The following MYO3A variants were observed in gnomAD, a reference collection of about 807,000 sequenced individuals.
The protein encoded by MYO3A is myosin IIIA, also known as myosin-IIIa.
In MYO3A, 180 loss-of-function variants were observed where a neutral mutation model predicts 192.7. The ratio of observed to expected loss-of-function variants is 0.93; its 90% CI spans 0.83 to 1.06. The LOEUF (loss-of-function observed/expected upper bound fraction) is 1.06, where lower values mean the gene tolerates loss of function less well. MYO3A is among the 50% of genes least tolerant of loss of function. The pLI is 0.00. For synonymous variants in MYO3A, 628 were observed against 645.3 expected, an observed-to-expected ratio of 0.97 and a Z score of 0.41; for missense variants, 1,896 against 1,905.0, an observed-to-expected ratio of 1.00 and a Z score of 0.09.
intron 4 of MYO3A, among the ~76,000 whole-genome samples, chr10:25,960,793 G>A (rs954491537): frequency 6.6e-6 from 1 of 151,972 alleles, no homozygotes; most frequent in African/African-American, 2.4e-5. Context: ...GCTGTCTCAG[G>A]GTTGGCACAG....
intron 6 of MYO3A, among the ~76,000 whole-genome samples, chr10:26,011,200 G>T (rs879437651): frequency 6.6e-6 from 1 of 152,106 alleles, no homozygotes; most frequent in African/African-American, 2.4e-5. Flanking sequence ...AGGCAGATGT[G>T]TGTGAATCGC....
intron 29 of MYO3A, among the ~76,000 whole-genome samples, chr10:26,173,385 G>T (rs1475159376): frequency 6.6e-6 from 1 of 152,118 alleles, no homozygotes; most frequent in East Asian, 1.9e-4. Context: ...CTAGAATTTT[G>T]ATATCTCATT....
At chr10:26,069,345 A>T in intron 12 of MYO3A, among the ~76,000 whole-genome samples, 1 of 152,122 alleles carries the variant, frequency 6.6e-6, no homozygotes, top group South Asian at 2.1e-4. Context: ...GGCTTCATTA[A>T]TATCACAAAC....
intron 4 of MYO3A, among the ~76,000 whole-genome samples, chr10:25,979,342 G>T (rs994315441): frequency 2.0e-5 from 3 of 151,114 alleles, no homozygotes; most frequent in African/African-American, 7.3e-5. Context: ...GTAAGAAAAT[G>T]ATTTAATCAC....
At chr10:26,108,234 T>A (rs1431912809) in intron 17 of MYO3A, among the ~76,000 whole-genome samples, 1 of 152,220 alleles carries the variant, frequency 6.6e-6, no homozygotes, top group African/African-American at 2.4e-5. Context: ...ATGAACTCTT[T>A]CTGGAATTTT....
chr10:26,003,497 T>C (rs1484866292), intron 6 of MYO3A, among the ~76,000 whole-genome samples: 1 of 152,312 alleles, frequency 6.6e-6, no homozygotes, highest in African/African-American at 2.4e-5. Context: ...TTTAGTTTTT[T>C]ATTAAGTGGG....
At chr10:26,086,983 G>T (rs2131501399) in intron 14 of MYO3A, among the ~76,000 whole-genome samples, 1 of 112,140 alleles carries the variant, frequency 8.9e-6, no homozygotes, top group South Asian at 3.0e-4. Flanking sequence ...ATTGGGGATA[G>T]GTATATATAT....
At chr10:26,186,267 T>C (rs889533423) in intron 31 of MYO3A, among the ~76,000 whole-genome samples, 1 of 57,584 alleles carries the variant, frequency 1.7e-5, no homozygotes, top group East Asian at 4.4e-4. Context: ...GATATCCTTC[T>C]TTTTTTTTTT....
At chr10:25,986,124 A>G (rs1030827648) in intron 4 of MYO3A, among the ~76,000 whole-genome samples, 1 of 152,212 alleles carries the variant, frequency 6.6e-6, no homozygotes. Flanking sequence ...ATCTCAATAG[A>G]TGCAGAAAAA....
chr10:26,015,695 G>A (rs74638183), intron 6 of MYO3A, among the ~76,000 whole-genome samples: 3,854 of 152,198 alleles, frequency 0.025, 185 homozygotes, highest in African/African-American at 0.087. Flanking sequence ...ATGAAATTTA[G>A]TAAATTCCTT....
At chr10:26,102,896 C>G (rs1164718198) in intron 17 of MYO3A, among the ~76,000 whole-genome samples, 1 of 152,188 alleles carries the variant, frequency 6.6e-6, no homozygotes, top group African/African-American at 2.4e-5. Flanking sequence ...TCTCAAACTC[C>G]GTGCTGGGAG....
chr10:26,172,152 G>A (rs1260130991), intron 29 of MYO3A, among the ~76,000 whole-genome samples: 3 of 152,200 alleles, frequency 2.0e-5, no homozygotes, highest in Non-Finnish European at 4.4e-5. Context: ...GGGAGAAGCA[G>A]GTGGGCCTGA....
chr10:25,997,078 A>C, intron 5 of MYO3A, 81 bp from the exon 6 acceptor site: 2 of 1,065,070 alleles, frequency 1.9e-6, no homozygotes, highest in Non-Finnish European at 2.9e-6. Context: ...TTTCCTATTG[A>C]TTTTGTACAG....
chr10:26,067,792 T>C (rs1049128252), intron 11 of MYO3A, among the ~76,000 whole-genome samples: 3 of 152,218 alleles, frequency 2.0e-5, no homozygotes, highest in African/African-American at 7.2e-5. Context: ...ATGCCCTCTT[T>C]TTAGCAGAAG....
At chr10:26,099,308 G>C (rs911185564) in intron 17 of MYO3A, among the ~76,000 whole-genome samples, 1 of 152,168 alleles carries the variant, frequency 6.6e-6, no homozygotes, top group Admixed American at 6.5e-5. Flanking sequence ...AGCAGATTTT[G>C]GGCTGAGATG....
intron 23 of MYO3A, 57 bp downstream of exon 23, chr10:26,147,616 C>CTCTGCGCTTTTCACTAATT: frequency 6.2e-7 from 1 of 1,610,552 alleles, no homozygotes; most frequent in Non-Finnish European, 8.5e-7. Flanking sequence ...TAGTTTCTAT[C>CTCTGCGCTTTTCACTAATT]TCTGCGCTTT....
chr10:26,094,677 G>A (rs1290864247), intron 15 of MYO3A, among the ~76,000 whole-genome samples: 1 of 152,074 alleles, frequency 6.6e-6, no homozygotes, highest in Non-Finnish European at 1.5e-5. Context: ...GCCCACCTCG[G>A]CCTCCCGAAG....
chr10:26,003,482 A>G (rs1380051908), intron 6 of MYO3A, among the ~76,000 whole-genome samples: 1 of 152,214 alleles, frequency 6.6e-6, no homozygotes, highest in East Asian at 1.9e-4. Flanking sequence ...CCTTTAAGAA[A>G]AACTTTTAGT....
intron 30 of MYO3A, among the ~76,000 whole-genome samples, chr10:26,175,210 G>A (rs1842264914): frequency 6.6e-6 from 1 of 152,164 alleles, no homozygotes; most frequent in African/African-American, 2.4e-5. Context: ...ATTTGTCTCT[G>A]ATACATACAA....
Sources: allele counts gnomAD v4.1 joint callset (sites outside exome capture counted in the v4.1 genomes callset), GRCh38; gene constraint gnomAD v4.1.1; transcripts MANE v1.5; gene names NCBI Gene and HGNC (gene_info 2026-07-23, HGNC 2026-07-21).